The following JMJD1C variants were observed in gnomAD, a reference collection of about 807,000 sequenced individuals.
JMJD1C encodes the protein jumonji domain-containing protein 1C.
JMJD1C carries 31 observed loss-of-function variants against 245.3 expected under a neutral mutation model. The observed-to-expected ratio is 0.13, with a 90% CI of 0.09 to 0.17. The LOEUF (loss-of-function observed/expected upper bound fraction) is 0.17, where lower values mean the gene tolerates loss of function less well. Ranked by LOEUF, JMJD1C falls within the 10% of genes least tolerant of loss-of-function variation. JMJD1C has a pLI of 1.00. For missense variants in JMJD1C, 2,691 were observed against 3,000.2 expected (o/e 0.90, Z 2.41); for synonymous variants, 1,057 against 1,017.4 (o/e 1.04, Z -0.74).
At chr10:63,358,415 A>T (rs577391599) in intron 2 of JMJD1C, among the ~76,000 whole-genome samples, 4 of 151,938 alleles carry the variant, frequency 2.6e-5, no homozygotes, top group East Asian at 1.9e-4. Flanking sequence ...AAAAAATCTG[A>T]AGATAGATAC....
At chr10:63,421,496 G>A (rs1950124037) in intron 1 of JMJD1C, among the ~76,000 whole-genome samples, 1 of 152,116 alleles carries the variant, frequency 6.6e-6, no homozygotes, top group Non-Finnish European at 1.5e-5. Flanking sequence ...TCTAGTTCTT[G>A]ACCTGGGGGA....
At chr10:63,344,394 T>C (rs1257666205) in intron 2 of JMJD1C, among the ~76,000 whole-genome samples, 4 of 152,158 alleles carry the variant, frequency 2.6e-5, no homozygotes, top group African/African-American at 9.7e-5. Context: ...GCAAACCATC[T>C]TGGTTTGTGT....
chr10:63,453,732 T>C (rs956256088), intron 1 of JMJD1C, among the ~76,000 whole-genome samples: 2 of 151,980 alleles, frequency 1.3e-5, no homozygotes, highest in Non-Finnish European at 2.9e-5. Context: ...AAGCAATAGT[T>C]TTTTTTTGTT....
chr10:63,223,487 C>T (rs1848877344), intron 3 of JMJD1C, among the ~76,000 whole-genome samples: 1 of 151,992 alleles, frequency 6.6e-6, no homozygotes, highest in African/African-American at 2.4e-5. Flanking sequence ...CTTGGCTTCC[C>T]AAAGTGCAGG....
At chr10:63,313,874 C>T (rs1230250146) in intron 2 of JMJD1C, among the ~76,000 whole-genome samples, 1 of 152,230 alleles carries the variant, frequency 6.6e-6, no homozygotes, top group Non-Finnish European at 1.5e-5. Flanking sequence ...TTTTCTCCCA[C>T]TCAGTGGGTT....
At chr10:63,200,976 G>A (rs755143758) in intron 10 of JMJD1C, among the ~76,000 whole-genome samples, 2 of 152,130 alleles carry the variant, frequency 1.3e-5, no homozygotes, top group Non-Finnish European at 2.9e-5. Flanking sequence ...ATGTATAATA[G>A]CAAACATAAG....
intron 2 of JMJD1C, among the ~76,000 whole-genome samples, chr10:63,355,725 G>GT (rs550388309): frequency 8.2e-4 from 124 of 151,564 alleles, no homozygotes; most frequent in African/African-American, 2.9e-3. Context: ...ATTCTATGAT[G>GT]TTTTCCCTAG....
intron 2 of JMJD1C, among the ~76,000 whole-genome samples, chr10:63,350,585 T>A (rs1944267802): frequency 1.3e-5 from 2 of 151,212 alleles, no homozygotes; most frequent in Non-Finnish European, 2.9e-5. Context: ...CAGTCACCCA[T>A]AATTAAACAG....
intron 16 of JMJD1C, among the ~76,000 whole-genome samples, chr10:63,191,647 C>T (rs1844812711): frequency 6.6e-6 from 1 of 152,066 alleles, no homozygotes; most frequent in African/African-American, 2.4e-5. Context: ...GACATGTTTA[C>T]ACCTGTTACA....
At chr10:63,362,637 A>G (rs1306591978) in intron 2 of JMJD1C, among the ~76,000 whole-genome samples, 1 of 151,858 alleles carries the variant, frequency 6.6e-6, no homozygotes, top group Non-Finnish European at 1.5e-5. Context: ...GCACCACCAC[A>G]CCTGGCTAAT....
At chr10:63,435,797 G>T (rs1951028783) in intron 1 of JMJD1C, among the ~76,000 whole-genome samples, 1 of 152,186 alleles carries the variant, frequency 6.6e-6, no homozygotes, top group Admixed American at 6.5e-5. Context: ...TACGCAGGAG[G>T]CTGAGATATG....
chr10:63,446,423 G>C (rs1364363075), intron 1 of JMJD1C, among the ~76,000 whole-genome samples: 1 of 152,158 alleles, frequency 6.6e-6, no homozygotes, highest in African/African-American at 2.4e-5. Context: ...GTTTCAACAA[G>C]AGTCTGAGAT....
chr10:63,208,226 G>A lies in JMJD1C; in HGVS notation c.3443C>T (p.Pro1148Leu). The change falls in exon 10 of 26, where the codon CCT becomes CTT. Residue 1148 changes from proline (P) to leucine (L), a missense_variant. By Grantham distance (98) the Pro-to-Leu change is moderately conservative (BLOSUM62 -3). Around this residue, in one of 9 missense-constraint regions of JMJD1C, gnomAD observed 1,562 missense variants for 1,490.7 expected, o/e 1.05. Transcript: ENST00000399262. ...ACTTTCTGGTTGGTGTTTAATCAAA[G>A]GTGGAGGCTTTGAAAGAGATGTTAT... ...SFITSLSKPPPLIKHQPESEG... is the reference protein window; with the variant it reads ...SFITSLSKPPLLIKHQPESEG... 4 of 1,614,056 alleles carry A rather than the reference G, an allele frequency of 2.5e-6. No individual in the cohort carries two copies. Among genetic ancestry groups the A allele is most frequent in the Non-Finnish European group, 1.7e-6 (2 of 1,179,938 alleles).
intron 1 of JMJD1C, among the ~76,000 whole-genome samples, chr10:63,422,376 G>A (rs1192452213): frequency 6.6e-6 from 1 of 152,098 alleles, no homozygotes; most frequent in Non-Finnish European, 1.5e-5. Context: ...ACTCCAGCCT[G>A]GGCAACAGAG....
At chr10:63,220,578 A>G (rs1044799778) in intron 3 of JMJD1C, among the ~76,000 whole-genome samples, 16 of 152,242 alleles carry the variant, frequency 1.1e-4, no homozygotes, top group Non-Finnish European at 2.1e-4. Context: ...TATTACTCTC[A>G]TAACAGGCTG....
At chr10:63,335,832 A>AT (rs1241394278) in intron 2 of JMJD1C, among the ~76,000 whole-genome samples, 1 of 152,066 alleles carries the variant, frequency 6.6e-6, no homozygotes, top group Non-Finnish European at 1.5e-5. Flanking sequence ...TAAAAAAAAA[A>AT]CACTTTGGCT....
intron 2 of JMJD1C, among the ~76,000 whole-genome samples, chr10:63,278,451 G>A (rs1857037544): frequency 6.6e-6 from 1 of 151,470 alleles, no homozygotes; most frequent in African/African-American, 2.4e-5. Flanking sequence ...TTGAACCCAG[G>A]AGGCAAAGGC....
chr10:63,247,949 C>A (rs1162681555), intron 3 of JMJD1C, among the ~76,000 whole-genome samples: 4 of 152,034 alleles, frequency 2.6e-5, no homozygotes. Flanking sequence ...AAACTATAGG[C>A]CTGGTACAGT....
intron 3 of JMJD1C, among the ~76,000 whole-genome samples, chr10:63,258,177 G>C (rs978105258): frequency 3.3e-5 from 5 of 152,166 alleles, no homozygotes; most frequent in Non-Finnish European, 5.9e-5. Flanking sequence ...TAACAACCCT[G>C]AGGTAGACAG....
Sources: allele counts gnomAD v4.1 joint callset (sites outside exome capture counted in the v4.1 genomes callset), GRCh38; gene constraint gnomAD v4.1.1; regional missense constraint gnomAD v4.1.1; transcripts MANE v1.5; gene names NCBI Gene and HGNC (gene_info 2026-07-23, HGNC 2026-07-21).